The following DNAJC11 variants were observed in gnomAD, a reference collection of about 807,000 sequenced individuals.
DNAJC11 encodes DnaJ heat shock protein family (Hsp40) member C11.
A neutral mutation model predicts 78.6 loss-of-function variants in DNAJC11; 15 were observed. The observed-to-expected ratio is 0.19, with a 90% CI of 0.13 to 0.29. The LOEUF (loss-of-function observed/expected upper bound fraction) is 0.29, where lower values mean the gene tolerates loss of function less well. Among genes scored for constraint, DNAJC11 ranks in the 10% least tolerant of loss-of-function variants. DNAJC11 has a pLI of 1.00. For synonymous variants in DNAJC11, 292 were observed against 272.1 expected, an observed-to-expected ratio of 1.07 and a Z score of -0.72; for missense variants, 547 against 709.6, an observed-to-expected ratio of 0.77 and a Z score of 2.60.
rs759805759 is a variant in DNAJC11, at chr1:6,637,282, G to A, written c.1440C>T (p.Ser480=). The A allele has an allele frequency of 5.0e-6, 8 of 1,614,104 alleles. No individual in the cohort carries two copies. In the African/African-American group the frequency reaches 5.3e-5, roughly 11 times the overall value. ...GKFVNDKSRK[S]EKVKVIDVTV... Reference sequence around the variant, plus strand: ...TCACGTCAATCACCTTCACCTTCTCGCTCTTCCTGCTCTTGTCATTGACAA... The same window carrying A: ...TCACGTCAATCACCTTCACCTTCTCACTCTTCCTGCTCTTGTCATTGACAA... Residue 480 remains serine, a synonymous_variant, in exon 14 of 16, where the codon AGC becomes AGT. Coordinates refer to ENST00000377577, the MANE Select transcript of DNAJC11 (RefSeq NM_018198.4).
rs969052560 is a variant in DNAJC11 at position 6,634,272 on chromosome 1, G to A, written c.*1403C>T. On this transcript the variant is annotated 3_prime_UTR_variant, in exon 16 of 16. Coordinates refer to ENST00000377577, the MANE Select transcript of DNAJC11 (RefSeq NM_018198.4). The stretch of plus-strand genomic sequence containing the variant: ...AGAAGCACCTGCGGCAGAGGCGCAC[G>A]GGAAGCCCGGGGCCCAGGCTCATGC... The A allele has an allele frequency of 1.4e-5, 12 of 855,186 alleles. No individual in the cohort carries two copies. The highest frequency in any genetic ancestry group is 1.1e-4 in the East Asian group (4 of 37,044). The allele number at this position is 855,186 out of a possible 1,614,324, so 53.0% of individuals were successfully genotyped here.
intron 7 of DNAJC11, 131 bp from the exon 8 acceptor site, chr1:6,646,109 A>G: frequency 1.1e-6 from 1 of 887,066 alleles, no homozygotes; most frequent in South Asian, 1.7e-5. Flanking sequence ...TCCCAGTAAA[A>G]AAAAAAGCAG....
At position 6,644,159 on chromosome 1, in the gene DNAJC11, C is replaced by T. The variant is rs1321613197; in HGVS notation, c.1097+399G>A. Among the ~76,000 whole-genome samples the T allele has an allele frequency of 2.0e-5, 3 of 151,748 alleles. No individual in the cohort carries two copies. In the East Asian group the frequency reaches 5.8e-4, roughly 29 times the overall value. ...TTTTTTATATTTTTTGAGACGGAGT[C>T]TCACTGTCCTCCAGGCTGGAGTGCA... On this transcript the variant is annotated intron_variant, in intron 10 of 15. Transcript: ENST00000377577.
At chr1:6,682,862 T>C (rs1642575438) in intron 1 of DNAJC11, among the ~76,000 whole-genome samples, 2 of 151,990 alleles carry the variant, frequency 1.3e-5, no homozygotes, top group African/African-American at 2.4e-5. Flanking sequence ...GAGGCTGAGG[T>C]TGCAGTGAGC....
At chr1:6,691,265 A>T (rs1202435861) in intron 1 of DNAJC11, among the ~76,000 whole-genome samples, 2 of 148,758 alleles carry the variant, frequency 1.3e-5, no homozygotes, top group African/African-American at 4.9e-5. Context: ...CTTGCAGCAC[A>T]CATCTCGGCT....
chr1:6,701,805 G>T lies in DNAJC11; in HGVS notation c.-5C>A. 1 of 1,556,306 alleles carries T rather than the reference G, an allele frequency of 6.4e-7. No homozygotes were observed. The highest frequency in any genetic ancestry group is 8.7e-7 in the Non-Finnish European group (1 of 1,154,098). ...CTCGCTCAAGGCCGTCGCCATCTTC[G>T]CAACCTTTCACCCCGCCAAACCGGC... On this transcript the variant is annotated 5_prime_UTR_variant, in exon 1 of 16. Coordinates refer to ENST00000377577, the MANE Select transcript of DNAJC11 (RefSeq NM_018198.4).
intron 4 of DNAJC11, among the ~76,000 whole-genome samples, chr1:6,659,203 C>T (rs1642171987): frequency 6.6e-6 from 1 of 152,176 alleles, no homozygotes. Flanking sequence ...AAGCCTGGTC[C>T]CTATTTCACA....
At chr1:6,682,479 A>AG (rs1257789351) in intron 1 of DNAJC11, among the ~76,000 whole-genome samples, 1 of 152,152 alleles carries the variant, frequency 6.6e-6, no homozygotes, top group African/African-American at 2.4e-5. Flanking sequence ...CACATGCCTG[A>AG]GGGGGCAGCG....
In DNAJC11 at chr1:6,677,354, G is replaced by A. The variant is rs760387160; in HGVS notation, c.276+1040C>T. 5.9e-5 allele frequency among the ~76,000 whole-genome samples: 9 copies of A among 151,980 alleles called. No individual in the cohort carries two copies. The East Asian group carries it at 9.7e-4, about 16-fold the overall frequency. On this transcript the variant is annotated intron_variant, in intron 3 of 15. Transcript: ENST00000377577. ...GTTGCCCACGTTAGAGTGTAGTGGC[G>A]TGATCATAGCTCACTGCAGCCTCAA... is the stretch of plus-strand genomic sequence containing the variant.
At chr1:6,655,905 C>CA (rs1642118933) in intron 4 of DNAJC11, among the ~76,000 whole-genome samples, 1 of 151,736 alleles carries the variant, frequency 6.6e-6, no homozygotes, top group Admixed American at 6.6e-5. Context: ...AGTTTGAGAC[C>CA]AACATGACCA....
intron 3 of DNAJC11, among the ~76,000 whole-genome samples, chr1:6,677,099 A>C (rs1642475826): frequency 6.8e-6 from 1 of 146,068 alleles, no homozygotes; most frequent in Non-Finnish European, 1.5e-5. Context: ...CACTTGTTGC[A>C]GTGAGCCAAG....
intron 11 of DNAJC11, among the ~76,000 whole-genome samples, chr1:6,638,999 G>T (rs978951365): frequency 1.3e-5 from 2 of 152,170 alleles, no homozygotes; most frequent in African/African-American, 2.4e-5. Context: ...GAGTCCAAAG[G>T]CCAGACGGGC....
intron 4 of DNAJC11, among the ~76,000 whole-genome samples, chr1:6,663,054 G>A (rs1344945698): frequency 2.0e-5 from 3 of 152,080 alleles, no homozygotes; most frequent in Non-Finnish European, 4.4e-5. Flanking sequence ...CCCCATGCCT[G>A]GCCGATACAT....
intron 12 of DNAJC11, chr1:6,637,751 C>T (rs191830180): frequency 2.4e-5 from 14 of 575,886 alleles, no homozygotes; most frequent in East Asian, 2.9e-5. Context: ...CGGTGGCCAC[C>T]GGTGGGAGCT....
intron 7 of DNAJC11, 77 bp downstream of exon 7, chr1:6,651,452 G>C (rs921141530): frequency 7.7e-7 from 1 of 1,294,918 alleles, no homozygotes; most frequent in African/African-American, 1.5e-5. Context: ...CAACCACTGT[G>C]ATAAAAAGAA....
chr1:6,643,867 C>A (rs890784133), intron 10 of DNAJC11, among the ~76,000 whole-genome samples: 2 of 152,032 alleles, frequency 1.3e-5, no homozygotes, highest in South Asian at 2.1e-4. Flanking sequence ...AGCAAAGACA[C>A]AAGCAACTGT....
At chr1:6,643,096 G>A (rs1447074281) in intron 10 of DNAJC11, among the ~76,000 whole-genome samples, 6 of 152,026 alleles carry the variant, frequency 3.9e-5, no homozygotes, top group East Asian at 1.9e-4. Flanking sequence ...AACGGCCACC[G>A]CGACAGCAGG....
chr1:6,675,842 T>G (rs1444269470), intron 3 of DNAJC11, among the ~76,000 whole-genome samples: 5 of 152,190 alleles, frequency 3.3e-5, no homozygotes, highest in African/African-American at 1.2e-4. Context: ...AGTGCTCCAC[T>G]GATTGGGATA....
At chr1:6,689,080 C>T (rs567763105) in intron 1 of DNAJC11, among the ~76,000 whole-genome samples, 13 of 152,238 alleles carry the variant, frequency 8.5e-5, no homozygotes, top group African/African-American at 3.1e-4. Flanking sequence ...GAGTTTGACC[C>T]TGACCCAAGA....
Sources: allele counts gnomAD v4.1 joint callset (sites outside exome capture counted in the v4.1 genomes callset), GRCh38; gene constraint gnomAD v4.1.1; transcripts MANE v1.5; gene names NCBI Gene and HGNC (gene_info 2026-07-23, HGNC 2026-07-21).